The following PAPSS1 variants were observed in gnomAD, a reference collection of about 807,000 sequenced individuals.
PAPSS1 encodes bifunctional 3'-phosphoadenosine 5'-phosphosulfate synthase 1.
A neutral mutation model predicts 72.0 loss-of-function variants in PAPSS1; 50 were observed. The observed-to-expected ratio is 0.69, with a 90% confidence interval of 0.55 to 0.88. The LOEUF (loss-of-function observed/expected upper bound fraction) is 0.88, where lower values mean the gene tolerates loss of function less well. Ranked by LOEUF, PAPSS1 falls within the 40% of genes least tolerant of loss-of-function variation. The pLI is 0.00. For synonymous variants in PAPSS1, 261 were observed against 263.6 expected (o/e 0.99, Z 0.09); for missense variants, 657 against 782.2 (o/e 0.84, Z 1.91).
At chr4:107,677,464 T>C (rs1341780097) in intron 5 of PAPSS1, among the ~76,000 whole-genome samples, 2 of 152,084 alleles carry the variant, frequency 1.3e-5, no homozygotes, top group Non-Finnish European at 2.9e-5. Flanking sequence ...ATCAGAGAAA[T>C]GCAAATCAAA....
In PAPSS1 at chr4:107,614,116, T is replaced by C. The variant is rs915638240; in HGVS notation, c.*133A>G. On this transcript the variant is annotated 3_prime_UTR_variant, in exon 12 of 12. Transcript: ENST00000265174. ...AACTCATAAGGCAGACCAAAACTGATGCAAGTTAAGGAAAATGGTCTGTTT... is the reference window on the plus strand; with the variant it reads ...AACTCATAAGGCAGACCAAAACTGACGCAAGTTAAGGAAAATGGTCTGTTT... The C allele has an allele frequency of 3.5e-6, 3 of 858,336 alleles. No homozygotes were observed. The highest frequency in any genetic ancestry group is 5.3e-6 in the Non-Finnish European group (3 of 562,526). The allele number at this position is 858,336 out of a possible 1,614,324, so 53.2% of individuals were successfully genotyped here.
intron 10 of PAPSS1, 24 bp from the exon 11 acceptor site, chr4:107,631,884 G>GT: frequency 1.3e-6 from 2 of 1,535,818 alleles, no homozygotes; most frequent in Non-Finnish European, 1.8e-6. Context: ...TTCATTTTAG[G>GT]TAACTTTGCT....
intron 1 of PAPSS1, among the ~76,000 whole-genome samples, chr4:107,716,835 A>G (rs1723651512): frequency 6.6e-6 from 1 of 152,232 alleles, no homozygotes; most frequent in Non-Finnish European, 1.5e-5. Flanking sequence ...CTGTAAGACT[A>G]CATTTTCCCA....
chr4:107,708,699 C>G (rs940050620), intron 1 of PAPSS1, among the ~76,000 whole-genome samples: 28 of 152,168 alleles, frequency 1.8e-4, no homozygotes, highest in Admixed American at 1.8e-3. Flanking sequence ...CAGTTTCTTG[C>G]CTCCTACATT....
intron 5 of PAPSS1, among the ~76,000 whole-genome samples, chr4:107,660,679 G>A (rs1727156122): frequency 6.6e-6 from 1 of 152,104 alleles, no homozygotes; most frequent in South Asian, 2.1e-4. Flanking sequence ...ACATATTTGT[G>A]ATAACAACAT....
At chr4:107,647,924 G>A (rs541781602) in intron 9 of PAPSS1, among the ~76,000 whole-genome samples, 12 of 152,034 alleles carry the variant, frequency 7.9e-5, no homozygotes, top group Non-Finnish European at 1.6e-4. Flanking sequence ...CCAGTTCACC[G>A]GACAGATGCA....
In PAPSS1 at chr4:107,631,676, G is replaced by A; in HGVS notation, c.1691C>T (p.Ala564Val). Residue 564 changes from alanine (A) to valine (V), a missense_variant, in exon 11 of 12, where the codon GCT (alanine) becomes GTT (valine). Ala to Val is a moderately conservative substitution (Grantham distance 64). This residue lies in a region of PAPSS1 where 103 missense variants were observed against 93.8 expected (regional missense o/e 1.10). Coordinates refer to ENST00000265174, the MANE Select transcript of PAPSS1 (RefSeq NM_005443.5). ...TLEIVPFRVA[A>V]YNKKKKRMDY... Reference sequence around the variant, plus strand: ...CATACGCTTCTTTTTCTTGTTGTAAGCTGCAACTCGAAAGGGAACTATTTC... The same window carrying A: ...CATACGCTTCTTTTTCTTGTTGTAAACTGCAACTCGAAAGGGAACTATTTC... 1 of 1,614,018 alleles carries A rather than the reference G, an allele frequency of 6.2e-7. No homozygotes were observed. Among genetic ancestry groups the A allele is most frequent in the Non-Finnish European group, 8.5e-7 (1 of 1,179,918 alleles).
intron 1 of PAPSS1, among the ~76,000 whole-genome samples, chr4:107,717,571 G>A (rs894176315): frequency 5.9e-5 from 9 of 152,166 alleles, no homozygotes; most frequent in Non-Finnish European, 1.3e-4. Flanking sequence ...TTTCAGCCCA[G>A]GCAGTCAGCT....
chr4:107,705,598 A>C (rs1723320891), intron 1 of PAPSS1, among the ~76,000 whole-genome samples: 1 of 152,254 alleles, frequency 6.6e-6, no homozygotes, highest in Admixed American at 6.5e-5. Context: ...ACAGACTGGC[A>C]TTAATCTTTC....
chr4:107,639,177 ACATTTTTTCCCTATGAAAAG>A (rs140785928), intron 10 of PAPSS1, among the ~76,000 whole-genome samples: 4,572 of 152,302 alleles, frequency 0.03, 226 homozygotes, highest in African/African-American at 0.1. Context: ...AAAAAAAATG[ACATTTTTTCCCTATGAAAAG>A]CAACCTATAA....
At chr4:107,693,051 C>T (rs766553852) in intron 3 of PAPSS1, among the ~76,000 whole-genome samples, 4 of 152,032 alleles carry the variant, frequency 2.6e-5, no homozygotes, top group East Asian at 1.9e-4. Context: ...GGCTTAATAC[C>T]TAGGTGATGG....
At chr4:107,621,627 T>TTC (rs1725960677) in intron 11 of PAPSS1, among the ~76,000 whole-genome samples, 1 of 123,668 alleles carries the variant, frequency 8.1e-6, no homozygotes, top group Non-Finnish European at 1.7e-5. Flanking sequence ...TTTTTTTTTT[T>TTC]TTTTTTTTTT....
intron 5 of PAPSS1, among the ~76,000 whole-genome samples, chr4:107,676,214 C>T (rs368837917): frequency 6.6e-6 from 1 of 151,806 alleles, no homozygotes; most frequent in East Asian, 1.9e-4. Context: ...AAATAAAGGG[C>T]ATTCAATTAG....
At chr4:107,650,794 A>G (rs1353420726) in intron 9 of PAPSS1, among the ~76,000 whole-genome samples, 1 of 152,208 alleles carries the variant, frequency 6.6e-6, no homozygotes, top group Non-Finnish European at 1.5e-5. Context: ...TGGAATTTTC[A>G]TGAATACAAA....
chr4:107,667,832 T>C (rs1050066237), intron 5 of PAPSS1, among the ~76,000 whole-genome samples: 2 of 152,210 alleles, frequency 1.3e-5, no homozygotes, highest in Non-Finnish European at 2.9e-5. Context: ...ACTATTCTTA[T>C]TGCACTTACA....
intron 11 of PAPSS1, among the ~76,000 whole-genome samples, chr4:107,627,503 A>G (rs895557579): frequency 3.3e-5 from 5 of 152,112 alleles, no homozygotes; most frequent in Admixed American, 6.5e-5. Flanking sequence ...AGGCACTGCT[A>G]CCCTTTTTTA....
chr4:107,650,039 T>A (rs1391518787), intron 9 of PAPSS1, among the ~76,000 whole-genome samples: 2 of 152,232 alleles, frequency 1.3e-5, no homozygotes, highest in African/African-American at 4.8e-5. Context: ...GCCAAACTGA[T>A]AGTGCTGTGC....
intron 10 of PAPSS1, among the ~76,000 whole-genome samples, chr4:107,635,745 C>A (rs1303431696): frequency 2.6e-5 from 4 of 151,864 alleles, no homozygotes; most frequent in Non-Finnish European, 4.4e-5. Flanking sequence ...CTGGTAATAG[C>A]CTTACAGAAA....
intron 11 of PAPSS1, among the ~76,000 whole-genome samples, chr4:107,620,983 C>T (rs1725939251): frequency 6.6e-6 from 1 of 152,182 alleles, no homozygotes; most frequent in African/African-American, 2.4e-5. Flanking sequence ...AATGACTAGA[C>T]ACAGCTCAGG....
Sources: allele counts gnomAD v4.1 joint callset (sites outside exome capture counted in the v4.1 genomes callset), GRCh38; gene constraint gnomAD v4.1.1; regional missense constraint gnomAD v4.1.1; transcripts MANE v1.5; gene names NCBI Gene and HGNC (gene_info 2026-07-23, HGNC 2026-07-21).